The following PKHD1L1 variants were observed in gnomAD, a reference collection of about 807,000 sequenced individuals.
The protein encoded by PKHD1L1 is PKHD1 like 1, also known as fibrocystin-L.
Under a neutral mutation model 462.9 loss-of-function variants are expected in PKHD1L1, and 434 were observed. That is an observed-to-expected ratio of 0.94 (90% CI 0.87 to 1.02). PKHD1L1 has a LOEUF of 1.02. Ranked by LOEUF, PKHD1L1 falls within the 50% of genes least tolerant of loss-of-function variation. PKHD1L1 has a pLI of 0.00. For missense variants in PKHD1L1, 5,202 were observed against 5,096.1 expected, an observed-to-expected ratio of 1.02 and a Z score of -0.63; for synonymous variants, 1,781 against 1,750.0, an observed-to-expected ratio of 1.02 and a Z score of -0.44.
In PKHD1L1 at chr8:109,364,641, C is replaced by T. The variant is rs760578258; in HGVS notation, c.163+5C>T. On this transcript the variant is annotated splice_donor_5th_base_variant and intron_variant, in intron 2 of 77. Transcript: ENST00000378402. ...GGCTGACTATAAGAGGGGAAGGTAT[C>T]GTTGCTTTTTTTTTTTTTTTTTTGC... 54 of 1,224,992 alleles carry T rather than the reference C, an allele frequency of 4.4e-5. No homozygotes were observed. Among genetic ancestry groups the T allele is most frequent in the Middle Eastern group, 2.2e-4 (1 of 4,562 alleles). 75.9% of individuals were successfully genotyped at this position (1,224,992 alleles called of 1,614,324 possible).
chr8:109,387,835 T>C (rs1287616413), intron 6 of PKHD1L1, among the ~76,000 whole-genome samples: 1 of 152,214 alleles, frequency 6.6e-6, no homozygotes, highest in Admixed American at 6.5e-5. Flanking sequence ...TCCCAAAAGC[T>C]GATAGTTTAT....
chr8:109,497,979 G>A (rs1053986251), intron 65 of PKHD1L1, among the ~76,000 whole-genome samples: 4 of 151,906 alleles, frequency 2.6e-5, no homozygotes, highest in Non-Finnish European at 5.9e-5. Context: ...TTTCCAGTTG[G>A]GGTAGCAACC....
chr8:109,440,854 T>C lies in PKHD1L1; in HGVS notation c.4099+2T>C, dbSNP rs1214114988. ...CAGCTGAGAATACCGTGCTGTTAGG[T>C]AAGAGCTTCATTCATAGGAAAGTGA... On this transcript the variant is annotated splice_donor_variant, in intron 33 of 77. Coordinates refer to ENST00000378402, the MANE Select transcript of PKHD1L1 (RefSeq NM_177531.6). LOFTEE classifies it high-confidence loss of function. 1.2e-6 allele frequency: 2 copies of C among 1,611,394 alleles called. No homozygotes were observed. The highest frequency in any genetic ancestry group is 2.7e-5 in the African/African-American group (2 of 74,808).
intron 2 of PKHD1L1, among the ~76,000 whole-genome samples, chr8:109,366,834 A>G (rs1811258752): frequency 2.0e-5 from 3 of 152,012 alleles, no homozygotes; most frequent in Non-Finnish European, 4.4e-5. Flanking sequence ...CTGGAATTAC[A>G]GGTGCCTGCC....
Position 109,480,199 on chromosome 8 carries a change from A to T in PKHD1L1, c.9327+60A>T, listed in dbSNP as rs76962307. On this transcript the variant is annotated intron_variant, in intron 55 of 77. Transcript: ENST00000378402. ...TAATCTAATTCTAAAATGTGTATTT[A>T]CTCAAATAATAAGAAAGAAGCATAT... 1,790 of 1,470,478 alleles carry T rather than the reference A, an allele frequency of 1.2e-3. 19 individuals are homozygous for T. In the African/African-American group the frequency reaches 0.023, roughly 19 times the overall value. The allele number at this position is 1,470,478 out of a possible 1,614,324, so 91.1% of individuals were successfully genotyped here.
chr8:109,414,421 T>C (rs1022994901), intron 21 of PKHD1L1, among the ~76,000 whole-genome samples: 1 of 152,210 alleles, frequency 6.6e-6, no homozygotes, highest in Non-Finnish European at 1.5e-5. Context: ...GTAGAAGTTT[T>C]TCTTTCATAT....
intron 29 of PKHD1L1, among the ~76,000 whole-genome samples, chr8:109,436,038 C>A (rs1322038553): frequency 6.6e-6 from 1 of 152,152 alleles, no homozygotes; most frequent in East Asian, 1.9e-4. Context: ...AGGATGAAGG[C>A]ACTGTGAAAA....
chr8:109,450,761 G>A (rs901300522), intron 40 of PKHD1L1, among the ~76,000 whole-genome samples: 8 of 152,182 alleles, frequency 5.3e-5, no homozygotes, highest in Non-Finnish European at 1.2e-4. Context: ...CAGGAGGGTC[G>A]AAGGGCTTTT....
At chr8:109,430,962 T>C (rs1815064486) in intron 27 of PKHD1L1, among the ~76,000 whole-genome samples, 1 of 150,216 alleles carries the variant, frequency 6.7e-6, no homozygotes, top group Admixed American at 6.7e-5. Context: ...CATTTTGTAA[T>C]GAATTCCCAC....
intron 57 of PKHD1L1, 23 bp downstream of exon 57, chr8:109,483,128 G>A (rs747355838): frequency 4.6e-6 from 7 of 1,525,390 alleles, no homozygotes; most frequent in African/African-American, 1.4e-5. Flanking sequence ...ATTATGTAAT[G>A]GAAAATGAAT....
rs201422380 is a variant in PKHD1L1, at chr8:109,535,203, C to CA, written c.*5125dup. 4.3e-3 allele frequency among the ~76,000 whole-genome samples: 611 copies of CA among 143,280 alleles called. 1 individual carries two copies. The highest frequency in any genetic ancestry group is 6.4e-3 in the Non-Finnish European group (417 of 65,334). The allele number at this position is 143,280 out of a possible 152,430, so 94.0% of individuals were successfully genotyped here. A position where few individuals can be genotyped will look rare whatever the true frequency, so the allele number is the denominator to read the frequency against. On this transcript the variant is annotated 3_prime_UTR_variant, in exon 78 of 78. Transcript: ENST00000378402. ...TGGTAATGGGCTCTGTGCCTATGAG[C>CA]AAAAAAAAAAAATTCCTTTTGTGCA... is the stretch of plus-strand genomic sequence containing the variant.
chr8:109,391,165 C>T (rs1812693384), intron 9 of PKHD1L1, among the ~76,000 whole-genome samples: 1 of 152,114 alleles, frequency 6.6e-6, no homozygotes, highest in African/African-American at 2.4e-5. Flanking sequence ...AAGTTTAATC[C>T]TCCCAAAGAA....
At chr8:109,410,726 CTTTTTTTTT>C (rs71303459) in intron 19 of PKHD1L1, among the ~76,000 whole-genome samples, 3 of 68,402 alleles carry the variant, frequency 4.4e-5, no homozygotes, top group African/African-American at 8.2e-5. Flanking sequence ...TTTTCTTTTT[CTTTTTTTTT>C]TTTTTTTTTT....
At chr8:109,450,841 C>T (rs1816447201) in intron 40 of PKHD1L1, 134 bp from the exon 41 acceptor site, 2 of 841,356 alleles carry the variant, frequency 2.4e-6, no homozygotes, top group Non-Finnish European at 3.6e-6. Context: ...CTATTATTCA[C>T]ATGTAGCCTA....
At chr8:109,388,369 A>C in intron 6 of PKHD1L1, 128 bp from the exon 7 acceptor site, 2 of 692,328 alleles carry the variant, frequency 2.9e-6, no homozygotes, top group Non-Finnish European at 5.2e-6. Flanking sequence ...TGAATGCATG[A>C]GTGAGGGATA....
chr8:109,488,505 A>G (rs1236953687), intron 59 of PKHD1L1, among the ~76,000 whole-genome samples: 1 of 152,014 alleles, frequency 6.6e-6, no homozygotes, highest in Non-Finnish European at 1.5e-5. Flanking sequence ...TTGTTCCTCC[A>G]AGTAATTCTG....
In PKHD1L1 at chr8:109,436,394, G is replaced by A. The variant is rs1204651983; in HGVS notation, c.3562G>A (p.Val1188Ile). The stretch of plus-strand genomic sequence containing the variant: ...CTTTAATGAAAATTCAAAGGTATTA[G>A]TTGGAAATGAAACCTGCAATGTGAT... The part of the protein sequence containing the change: ...FGFNENSKVL[V>I]GNETCNVIEG... The change falls in exon 30 of 78, where the codon GTT becomes ATT. Residue 1188 changes from valine (V) to isoleucine (I), a missense_variant. Coordinates refer to ENST00000378402, the MANE Select transcript of PKHD1L1 (RefSeq NM_177531.6). The A allele has an allele frequency of 6.2e-7, 1 of 1,613,440 alleles. No homozygotes were observed. Among genetic ancestry groups the A allele is most frequent in the South Asian group, 1.1e-5 (1 of 91,028 alleles).
chr8:109,493,869 A>G, intron 63 of PKHD1L1, 118 bp downstream of exon 63: 1 of 557,190 alleles, frequency 1.8e-6, no homozygotes, highest in South Asian at 3.7e-5. Flanking sequence ...CGGGCACTGA[A>G]ATAACTCAAC....
intron 38 of PKHD1L1, among the ~76,000 whole-genome samples, chr8:109,447,488 C>T (rs1390991743): frequency 1.3e-5 from 2 of 152,152 alleles, no homozygotes; most frequent in African/African-American, 2.4e-5. Context: ...AAAAGTTCCA[C>T]GTTTAATGCC....
Sources: gnomAD v4.1 joint callset for allele counts (sites outside exome capture counted in the v4.1 genomes callset) on GRCh38, gnomAD v4.1.1 for gene constraint, MANE v1.5 for transcripts, NCBI Gene and HGNC (gene_info 2026-07-23, HGNC 2026-07-21) for gene names.